Variants in SUPT6H observed in about 807,000 individuals in gnomAD.
The protein encoded by SUPT6H is transcription elongation factor SPT6.
SUPT6H carries 11 observed loss-of-function variants against 222.3 expected under a neutral mutation model. The ratio of observed to expected loss-of-function variants is 0.05; its 90% CI spans 0.03 to 0.08. SUPT6H has a LOEUF of 0.08. Ranked by LOEUF, SUPT6H falls within the 10% of genes least tolerant of loss-of-function variation. The probability of loss-of-function intolerance (pLI) is 1.00; values close to 1 mark genes in which losing one functional copy is unlikely to be tolerated. For synonymous variants in SUPT6H, 762 were observed against 801.2 expected (o/e 0.95, Z 0.83); for missense variants, 1,422 against 2,216.0 (o/e 0.64, Z 7.19).
intron 1 of SUPT6H, among the ~76,000 whole-genome samples, chr17:28,671,875 T>C (rs561057366): frequency 1.4e-4 from 21 of 152,246 alleles, no homozygotes; most frequent in Non-Finnish European, 2.8e-4. Context: ...TATTCAGGCA[T>C]GTCCAATAAT....
rs867884575 is a variant in SUPT6H at position 28,701,173 on chromosome 17, A to C, written c.4994+45A>C. The C allele has an allele frequency of 1.9e-6, 3 of 1,559,746 alleles. No individual in the cohort carries two copies. In the Middle Eastern group the frequency reaches 5.6e-4, roughly 292 times the overall value. ...CACAGTGCAGGTCAGTGGTAGGGGC[A>C]GGTGTTGTCAAGAGGCCGAAAGGCT... On this transcript the variant is annotated intron_variant, in intron 36 of 36. Coordinates refer to ENST00000314616, the MANE Select transcript of SUPT6H (RefSeq NM_003170.5).
chr17:28,675,418 G>A lies in SUPT6H; in HGVS notation c.556G>A (p.Val186Met). The change falls in exon 6 of 37, where the codon GTG becomes ATG. Residue 186 changes from valine (V) to methionine (M), a missense_variant. Transcript: ENST00000314616. ...CTACCCAGATATTGACGACTTCATT[G>A]TGGATGATGATGGACAGCCTCTGAA... Reference protein sequence around the residue: ...DEESDIDDFIVDDDGQPLKKP... With the variant: ...DEESDIDDFIMDDDGQPLKKP... 6.2e-7 allele frequency: 1 copy of A among 1,614,182 alleles called. No homozygotes were observed. The highest frequency in any genetic ancestry group is 8.5e-7 in the Non-Finnish European group (1 of 1,180,030).
At chr17:28,675,530 GC>G (rs1307926300) in intron 6 of SUPT6H, 45 bp downstream of exon 6, 2 of 1,601,330 alleles carry the variant, frequency 1.2e-6, no homozygotes, top group Non-Finnish European at 1.7e-6. Flanking sequence ...GATTGAGTGG[GC>G]CCAGTCAGGA....
chr17:28,683,488 G>C (rs2031225498), intron 16 of SUPT6H, 66 bp downstream of exon 16: 2 of 1,599,290 alleles, frequency 1.3e-6, no homozygotes, highest in African/African-American at 2.7e-5. Flanking sequence ...TGGAGGGAAG[G>C]GCCCCTCAGG....
At chr17:28,683,167 A>G in intron 15 of SUPT6H, 75 bp downstream of exon 15, 2 of 1,565,652 alleles carry the variant, frequency 1.3e-6, no homozygotes, top group Non-Finnish European at 1.7e-6. Flanking sequence ...CTTGCCTTCC[A>G]CTTCACTGAG....
At position 28,698,099 on chromosome 17, in the gene SUPT6H, C is replaced by T. The variant is rs186075621; in HGVS notation, c.4448+69C>T. On this transcript the variant is annotated intron_variant, in intron 32 of 36. Coordinates refer to ENST00000314616, the MANE Select transcript of SUPT6H (RefSeq NM_003170.5). Reference sequence around the variant, plus strand: ...GCAGGCTAGAAGGCAGGGAGAGGCCCGGAGCAGTGCCCTCTCTGGCTCTGC... The same window carrying T: ...GCAGGCTAGAAGGCAGGGAGAGGCCTGGAGCAGTGCCCTCTCTGGCTCTGC... 830 of 1,542,206 alleles carry T rather than the reference C, an allele frequency of 5.4e-4. 2 individuals carry two copies. The African/African-American group carries it at 9.8e-3, about 18-fold the overall frequency.
At chr17:28,677,499 C>T (rs1047653842) in intron 7 of SUPT6H, among the ~76,000 whole-genome samples, 6 of 151,738 alleles carry the variant, frequency 4.0e-5, no homozygotes, top group East Asian at 3.9e-4. Context: ...GACCCTAGAT[C>T]GCGCCGTTGT....
chr17:28,686,765 C>T lies in SUPT6H; in HGVS notation c.2676C>T (p.Leu892=). 6.2e-7 allele frequency: 1 copy of T among 1,609,532 alleles called. No homozygotes were observed. The highest frequency in any genetic ancestry group is 1.7e-4 in the Middle Eastern group (1 of 6,038). Residue 892 remains leucine (L), a synonymous_variant, in exon 21 of 37, where the codon CTC becomes CTT. Transcript: ENST00000314616. ...VELVDNELAI[L]YMNSKKSEAE... is the part of the protein sequence containing the mutation. ...TGGTTGACAACGAGTTGGCCATTCT[C>T]TATATGAACAGCAAGAAGTCAGAGG...
At chr17:28,682,036 C>A in intron 13 of SUPT6H, 56 bp downstream of exon 13, 2 of 1,453,242 alleles carry the variant, frequency 1.4e-6, no homozygotes, top group South Asian at 2.5e-5. Flanking sequence ...GGGGAGTTAC[C>A]CAGAAAAAAG....
In SUPT6H at chr17:28,696,857, A is replaced by G. The variant is rs770549586; in HGVS notation, c.3984A>G (p.Arg1328=). The part of the protein sequence containing the change: ...RKQQRTTYIK[R]VIAHPSFHNI... ...TGCCCTTTTCAGCATACATCAAGAG[A>G]GTGATCGCACACCCATCCTTCCATA... Residue 1328 remains arginine (R), a synonymous_variant, in exon 30 of 37, where the codon AGA becomes AGG. Transcript: ENST00000314616. The G allele has an allele frequency of 6.8e-6, 11 of 1,613,912 alleles. No individual in the cohort carries two copies. Among genetic ancestry groups the G allele is most frequent in the Non-Finnish European group, 9.3e-6 (11 of 1,179,990 alleles).
chr17:28,674,880 TGTG>T (rs970292752), intron 4 of SUPT6H, 87 bp from the exon 5 acceptor site: 19 of 1,433,436 alleles, frequency 1.3e-5, no homozygotes, highest in East Asian at 2.3e-5. Flanking sequence ...TCAGAGTAAT[TGTG>T]GTGGGAAGAA....
chr17:28,681,712 C>CAA (rs541707928), intron 12 of SUPT6H, among the ~76,000 whole-genome samples, 170 bp from the exon 13 acceptor site: 5 of 89,070 alleles, frequency 5.6e-5, no homozygotes, highest in Non-Finnish European at 2.3e-5. Flanking sequence ...GGCTGTGTCT[C>CAA]AAAAAAAAAA....
rs376077857 is a variant in SUPT6H, at chr17:28,677,724, A to G, written c.907A>G (p.Ile303Val). ...GTCTTATCCACTCCAGCTCCGCTCC[A>G]TCCCAGTCAAGGGGGCTGAAGATGA... The part of the protein sequence containing the change: ...DLPERFQLRS[I>V]PVKGAEDDEL... The change falls in exon 8 of 37, where the codon ATC becomes GTC. Residue 303 changes from isoleucine to valine, a missense_variant. This residue lies in a region of SUPT6H where 389 missense variants were observed against 544.6 expected (regional missense o/e 0.71). Coordinates refer to ENST00000314616, the MANE Select transcript of SUPT6H (RefSeq NM_003170.5). The G allele has an allele frequency of 6.2e-7, 1 of 1,614,176 alleles. No individual in the cohort carries two copies. The highest frequency in any genetic ancestry group is 8.5e-7 in the Non-Finnish European group (1 of 1,179,992).
chr17:28,700,488 T>TGGAGGCGGCAGC lies in SUPT6H; in HGVS notation c.4783_4794dup (p.Gly1595_Ser1598dup). The TGGAGGCGGCAGC allele has an allele frequency of 6.2e-7, 1 of 1,614,070 alleles. No homozygotes were observed. The highest frequency in any genetic ancestry group is 1.7e-4 in the Middle Eastern group (1 of 6,056). On this transcript the variant is annotated inframe_insertion, in exon 35 of 37. Coordinates refer to ENST00000314616, the MANE Select transcript of SUPT6H (RefSeq NM_003170.5). ...CCAGCCAGTACGGCTATGGCGGCAGTGGAGGCGGCAGCAGTGCTTACCACG... is the reference window on the plus strand; with the variant it reads ...CCAGCCAGTACGGCTATGGCGGCAGTGGAGGCGGCAGCGGAGGCGGCAGCAGTGCTTACCACG...
In SUPT6H at chr17:28,675,336, C is replaced by A. The variant is rs535525739; in HGVS notation, c.539-65C>A. On this transcript the variant is annotated intron_variant, in intron 5 of 36. Coordinates refer to ENST00000314616, the MANE Select transcript of SUPT6H (RefSeq NM_003170.5). ...TCACTGGCCACTCACATAGTAGGAA[C>A]CAAAGCAATTTAGTCCTGGCTCAGC... The A allele has an allele frequency of 4.4e-6, 7 of 1,585,952 alleles. No individual in the cohort carries two copies. The African/African-American group carries it at 8.1e-5, about 18-fold the overall frequency.
In SUPT6H at chr17:28,666,395, G is replaced by A. The variant is rs543000318; in HGVS notation, c.-32+4053G>A. Among the ~76,000 whole-genome samples, 4 of 152,158 alleles carry A rather than the reference G, an allele frequency of 2.6e-5. No homozygotes were observed. In the East Asian group the frequency reaches 7.7e-4, roughly 29 times the overall value. ...TTTGCCAACCCCTGTGCTAGAGCAG[G>A]AACTATGCGCTCCTCAATGTGTGTA... On this transcript the variant is annotated intron_variant, in intron 1 of 36. Coordinates refer to ENST00000314616, the MANE Select transcript of SUPT6H (RefSeq NM_003170.5).
In SUPT6H at chr17:28,701,060, C is replaced by T; in HGVS notation, c.4926C>T (p.Thr1642=). ...TPQYHQLQAS[T]TPQSAQAQPQ... is the part of the protein sequence containing the mutation. The stretch of plus-strand genomic sequence containing the variant: ...AGTACCACCAGCTCCAGGCCAGCAC[C>T]ACCCCACAGTCGGCCCAGGCCCAGC... The change falls in exon 36 of 37, where the codon ACC becomes ACT. Residue 1642 remains threonine (T), a synonymous_variant. Transcript: ENST00000314616. The T allele has an allele frequency of 6.2e-7, 1 of 1,614,112 alleles. No homozygotes were observed. Among genetic ancestry groups the T allele is most frequent in the Non-Finnish European group, 8.5e-7 (1 of 1,180,032 alleles).
chr17:28,682,108 C>G (rs2031144734), intron 13 of SUPT6H, 128 bp downstream of exon 13: 1 of 671,486 alleles, frequency 1.5e-6, no homozygotes, highest in Non-Finnish European at 2.5e-6. Context: ...CTGAACTAGC[C>G]TATTAGCTGG....
At chr17:28,670,124 A>G (rs543622312) in intron 1 of SUPT6H, 1 of 152,348 alleles carries the variant, frequency 6.6e-6, no homozygotes, top group African/African-American at 2.4e-5. Flanking sequence ...TGGCCCCTGG[A>G]CCACGCCCTG....
Sources: allele counts gnomAD v4.1 joint callset (sites outside exome capture counted in the v4.1 genomes callset), GRCh38; gene constraint gnomAD v4.1.1; regional missense constraint gnomAD v4.1.1; transcripts MANE v1.5; gene names NCBI Gene and HGNC (gene_info 2026-07-23, HGNC 2026-07-21).